Variants in MAK observed in about 807,000 individuals in gnomAD.
The protein encoded by MAK is male germ cell associated kinase.
MAK carries 65 observed loss-of-function variants against 82.6 expected under a neutral mutation model. The ratio of observed to expected loss-of-function variants is 0.79; its 90% CI spans 0.64 to 0.97. The LOEUF (loss-of-function observed/expected upper bound fraction) is 0.97, where lower values mean the gene tolerates loss of function less well. MAK is among the 50% of genes least tolerant of loss of function. The pLI, the probability that MAK is intolerant of heterozygous loss-of-function variation, is 0.00. For missense variants in MAK, 703 were observed against 780.2 expected, an observed-to-expected ratio of 0.90 and a Z score of 1.18; for synonymous variants, 250 against 274.2, an observed-to-expected ratio of 0.91 and a Z score of 0.87.
chr6:10,803,614 G>C (rs1180390380), intron 7 of MAK, 106 bp downstream of exon 7: 1 of 877,966 alleles, frequency 1.1e-6, no homozygotes, highest in East Asian at 2.6e-5. Context: ...GAAAATATCA[G>C]ATATCTAGGC....
At position 10,779,945 on chromosome 6, in the gene MAK, C is replaced by T. The variant is rs1377421257; in HGVS notation, c.1465+4479G>A. Among the ~76,000 whole-genome samples, 4 of 152,136 alleles carry T rather than the reference C, an allele frequency of 2.6e-5. No homozygotes were observed. The South Asian group carries it at 8.3e-4, about 32-fold the overall frequency. On this transcript the variant is annotated intron_variant, in intron 11 of 14. Transcript: ENST00000354489. Reference sequence around the variant, plus strand: ...CAGGTGATCCACCGGCTTTGGCCTCCCCAAAGTGCTGGGATTACAGGCGTG... The same window carrying T: ...CAGGTGATCCACCGGCTTTGGCCTCTCCAAAGTGCTGGGATTACAGGCGTG...
intron 11 of MAK, among the ~76,000 whole-genome samples, chr6:10,782,239 CACACACACACAG>C (rs1561942634): frequency 7.1e-6 from 1 of 141,784 alleles, no homozygotes; most frequent in Admixed American, 7.1e-5. Context: ...CACACACACA[CACACACACACAG>C]ACACACACCA....
At chr6:10,805,412 C>G (rs1776358048) in intron 6 of MAK, among the ~76,000 whole-genome samples, 1 of 151,830 alleles carries the variant, frequency 6.6e-6, no homozygotes, top group East Asian at 1.9e-4. Flanking sequence ...ATGGTGAAAC[C>G]CCGTCTCTAC....
chr6:10,831,306 G>A (rs935893782), intron 1 of MAK, among the ~76,000 whole-genome samples: 1 of 152,108 alleles, frequency 6.6e-6, no homozygotes, highest in African/African-American at 2.4e-5. Context: ...GGTAAGGTAA[G>A]TATAAAGCAA....
chr6:10,832,446 T>C (rs1778878079), intron 1 of MAK, among the ~76,000 whole-genome samples: 1 of 152,266 alleles, frequency 6.6e-6, no homozygotes, highest in East Asian at 1.9e-4. Flanking sequence ...AATACCATTG[T>C]TGTCTCATTT....
chr6:10,787,454 G>A, intron 10 of MAK, among the ~76,000 whole-genome samples: 1 of 152,270 alleles, frequency 6.6e-6, no homozygotes, highest in East Asian at 1.9e-4. Flanking sequence ...AAATTATAAA[G>A]TTTAGGCAGG....
At chr6:10,768,846 C>G (rs1180959001) in intron 14 of MAK, among the ~76,000 whole-genome samples, 3 of 152,158 alleles carry the variant, frequency 2.0e-5, no homozygotes, top group African/African-American at 7.2e-5. Flanking sequence ...ACTGGCACAT[C>G]TAATCAGGGG....
chr6:10,764,499 C>T lies in MAK; in HGVS notation c.1900G>A (p.Val634Met). 3 of 1,613,990 alleles carry T rather than the reference C, an allele frequency of 1.9e-6. No individual in the cohort carries two copies. The highest frequency in any genetic ancestry group is 2.5e-6 in the Non-Finnish European group (3 of 1,179,900). Residue 634 changes from valine (V) to methionine (M), a missense_variant, in exon 15 of 15, where the codon GTG becomes ATG. Transcript: ENST00000354489. ...IVNRAQPIPS[V>M]HGRTDWVAKY... ...GCCACCCAGTCTGTCCTCCCATGCA[C>T]TGAGGGAATGGGCTGTGCACGGTTC...
chr6:10,789,821 A>C (rs555982626), intron 10 of MAK, among the ~76,000 whole-genome samples: 2 of 152,060 alleles, frequency 1.3e-5, no homozygotes, highest in South Asian at 4.2e-4. Flanking sequence ...ACACCCAGCT[A>C]ATTTTTGTAT....
In MAK at chr6:10,789,132, G is replaced by A. The variant is rs115100917; in HGVS notation, c.1316+2543C>T. Among the ~76,000 whole-genome samples, 531 of 150,564 alleles carry A rather than the reference G, an allele frequency of 3.5e-3. 3 individuals carry two copies. The highest frequency in any genetic ancestry group is 6.1e-3 in the Non-Finnish European group (411 of 67,820). On this transcript the variant is annotated intron_variant, in intron 10 of 14. Coordinates refer to ENST00000354489, the MANE Select transcript of MAK (RefSeq NM_001242957.3). ...CTATGGAATGTGAAGACCTGGAAAC[G>A]GATTGCCTAAGAGTTATCCAAGCAA...
intron 5 of MAK, 30 bp from the exon 6 acceptor site, chr6:10,808,972 A>G (rs2127565076): frequency 6.3e-7 from 1 of 1,581,894 alleles, no homozygotes; most frequent in Non-Finnish European, 8.7e-7. Context: ...AAAAAAATAC[A>G]GTAAATCATT....
At chr6:10,783,751 T>C (rs1455540622) in intron 11 of MAK, among the ~76,000 whole-genome samples, 1 of 152,236 alleles carries the variant, frequency 6.6e-6, no homozygotes, top group African/African-American at 2.4e-5. Context: ...CTGGGCACAG[T>C]GGCTCACGCC....
intron 9 of MAK, among the ~76,000 whole-genome samples, chr6:10,795,449 TAA>T (rs898777724): frequency 7.8e-6 from 1 of 128,224 alleles, no homozygotes; most frequent in Non-Finnish European, 1.7e-5. Flanking sequence ...TCTCAAGAAA[TAA>T]AAAAGAAAAG....
At position 10,767,984 on chromosome 6, in the gene MAK, G is replaced by A. The variant is rs1482588792; in HGVS notation, c.1792+2127C>T. On this transcript the variant is annotated intron_variant, in intron 14 of 14. Coordinates refer to ENST00000354489, the MANE Select transcript of MAK (RefSeq NM_001242957.3). The stretch of plus-strand genomic sequence containing the variant: ...CTTACAGAACAGTGTTTTTTCTAAG[G>A]ATTTGCATTGACCACTTGAGAGTGA... Among the ~76,000 whole-genome samples the A allele has an allele frequency of 2.0e-5, 3 of 152,020 alleles. No homozygotes were observed. The East Asian group carries it at 5.8e-4, about 29-fold the overall frequency.
chr6:10,764,463 C>T lies in MAK; in HGVS notation c.1936G>A (p.Gly646Ser). The T allele has an allele frequency of 6.2e-7, 1 of 1,614,058 alleles. No individual in the cohort carries two copies. The highest frequency in any genetic ancestry group is 8.5e-7 in the Non-Finnish European group (1 of 1,179,964). Residue 646 changes from glycine to serine, a missense_variant, in exon 15 of 15, where the codon GGC becomes AGC. Transcript: ENST00000354489. Reference protein sequence around the residue: ...GRTDWVAKYGGHR With the variant: ...GRTDWVAKYGSHR ...CACACCATAGACTCCTACCGGTGGC[C>T]TCCATACTTGGCCACCCAGTCTGTC...
chr6:10,825,036 A>G (rs1778261319), intron 2 of MAK, among the ~76,000 whole-genome samples: 1 of 152,218 alleles, frequency 6.6e-6, no homozygotes, highest in South Asian at 2.1e-4. Context: ...CTAGCCAGTA[A>G]GATGTAAGGG....
In MAK at chr6:10,802,033, C is replaced by T. The variant is rs747215914; in HGVS notation, c.690G>A (p.Leu230=). The stretch of plus-strand genomic sequence containing the variant: ...GAAAACGGAAGTTCATAGAGGATGC[C>T]AGCTGGTATCCTTCTGGCCAGTCAC... ...KKSDWPEGYQ[L]ASSMNFRFPQ... Residue 230 remains leucine, a synonymous_variant, in exon 8 of 15, where the codon CTG becomes CTA. Transcript: ENST00000354489. 6.2e-7 allele frequency: 1 copy of T among 1,614,046 alleles called. No individual in the cohort carries two copies. The highest frequency in any genetic ancestry group is 2.2e-5 in the East Asian group (1 of 44,864).
chr6:10,834,362 C>T (rs1403239077), intron 1 of MAK, among the ~76,000 whole-genome samples: 5 of 152,112 alleles, frequency 3.3e-5, no homozygotes, highest in Non-Finnish European at 7.4e-5. Flanking sequence ...ACTAGAGAAT[C>T]AACGATGGAG....
intron 2 of MAK, among the ~76,000 whole-genome samples, chr6:10,821,287 C>T (rs1777921331): frequency 6.7e-6 from 1 of 149,980 alleles, no homozygotes; most frequent in Non-Finnish European, 1.5e-5. Context: ...AATTTTATTT[C>T]ATTTTTGAGA....
Sources: allele counts gnomAD v4.1 joint callset (sites outside exome capture counted in the v4.1 genomes callset), GRCh38; gene constraint gnomAD v4.1.1; transcripts MANE v1.5; gene names NCBI Gene and HGNC (gene_info 2026-07-23, HGNC 2026-07-21).